MCC: variants seen among roughly 807,000 people sequenced by gnomAD.
MCC encodes colorectal mutant cancer protein.
Under a neutral mutation model 116.2 loss-of-function variants are expected in MCC, and 90 were observed. The observed-to-expected ratio is 0.77, with a 90% CI of 0.65 to 0.92. The LOEUF (loss-of-function observed/expected upper bound fraction) is 0.92, where lower values mean the gene tolerates loss of function less well. Ranked by LOEUF, MCC falls within the 40% of genes least tolerant of loss-of-function variation. The pLI, the probability that MCC is intolerant of heterozygous loss-of-function variation, is 0.00. For synonymous variants in MCC, 578 were observed against 510.5 expected (o/e 1.13, Z -1.78); for missense variants, 1,516 against 1,312.2 (o/e 1.16, Z -2.40).
intron 3 of MCC, among the ~76,000 whole-genome samples, chr5:113,255,063 G>A (rs1764956546): frequency 6.6e-6 from 1 of 152,182 alleles, no homozygotes; most frequent in South Asian, 2.1e-4. Flanking sequence ...TACTCAGGAG[G>A]CTGAGGCAGA....
At chr5:113,074,032 T>G (rs561422769) in intron 11 of MCC, among the ~76,000 whole-genome samples, 1 of 152,346 alleles carries the variant, frequency 6.6e-6, no homozygotes, top group African/African-American at 2.4e-5. Flanking sequence ...AAGAGAGCAG[T>G]GGTTCTCCCA....
chr5:113,242,878 A>C (rs577268423), intron 3 of MCC, among the ~76,000 whole-genome samples: 3 of 152,254 alleles, frequency 2.0e-5, no homozygotes, highest in Non-Finnish European at 4.4e-5. Flanking sequence ...GGAGTCAGTC[A>C]GGCAAGACCC....
intron 8 of MCC, among the ~76,000 whole-genome samples, chr5:113,088,334 G>A (rs762849660): frequency 2.0e-5 from 3 of 151,902 alleles, no homozygotes; most frequent in Non-Finnish European, 4.4e-5. Context: ...CTTAGGCATG[G>A]CTTCGGAAAG....
intron 3 of MCC, among the ~76,000 whole-genome samples, chr5:113,191,039 T>C (rs1486356944): frequency 6.6e-6 from 1 of 152,218 alleles, no homozygotes; most frequent in Admixed American, 6.5e-5. Context: ...CCATCCTCTC[T>C]GGATTATATA....
At chr5:113,109,491 G>T (rs1387350563) in intron 6 of MCC, among the ~76,000 whole-genome samples, 1 of 152,114 alleles carries the variant, frequency 6.6e-6, no homozygotes, top group Non-Finnish European at 1.5e-5. Flanking sequence ...CGGGGTGGGG[G>T]TGATGCGAGA....
chr5:113,112,337 G>A (rs1348715634), intron 6 of MCC, among the ~76,000 whole-genome samples: 1 of 152,118 alleles, frequency 6.6e-6, no homozygotes, highest in Non-Finnish European at 1.5e-5. Context: ...CTGGATCATG[G>A]GGGCAGACTT....
At chr5:113,163,786 T>C (rs1581183898) in intron 3 of MCC, among the ~76,000 whole-genome samples, 1 of 152,206 alleles carries the variant, frequency 6.6e-6, no homozygotes, top group East Asian at 1.9e-4. Flanking sequence ...CTGTCAGACA[T>C]TTCTGTAAGT....
intron 3 of MCC, among the ~76,000 whole-genome samples, chr5:113,260,414 C>A (rs1336361035): frequency 6.6e-6 from 1 of 152,094 alleles, no homozygotes; most frequent in Non-Finnish European, 1.5e-5. Flanking sequence ...CTTCTGCATG[C>A]AATTTGTTGC....
chr5:113,283,895 TTCC>T (rs1163094426), intron 3 of MCC, among the ~76,000 whole-genome samples: 1 of 152,196 alleles, frequency 6.6e-6, no homozygotes, highest in Non-Finnish European at 1.5e-5. Flanking sequence ...AACCTCCCTC[TTCC>T]TCCTCCTCAG....
At chr5:113,401,267 A>T (rs945846304) in intron 1 of MCC, among the ~76,000 whole-genome samples, 10 of 152,336 alleles carry the variant, frequency 6.6e-5, no homozygotes, top group African/African-American at 2.4e-4. Context: ...TACAACATGT[A>T]TTTAATATAT....
chr5:113,143,565 T>TTTC (rs1759317306), intron 4 of MCC, among the ~76,000 whole-genome samples: 2 of 152,210 alleles, frequency 1.3e-5, no homozygotes, highest in Non-Finnish European at 2.9e-5. Flanking sequence ...CTGGAGTCTT[T>TTTC]GCCTTTCTAG....
At position 113,143,211 on chromosome 5, in the gene MCC, C is replaced by T. The variant is rs199865398; in HGVS notation, c.884+7G>A. On this transcript the variant is annotated splice_region_variant and intron_variant, in intron 5 of 18. Transcript: ENST00000408903. ...GGGCAGAGTAAAAGCCGAATGGAGC[C>T]GCGTACCTGATGGTGGTGCCTTGCA... is the stretch of plus-strand genomic sequence containing the variant. 472 of 1,594,420 alleles carry T rather than the reference C, an allele frequency of 3.0e-4. No homozygotes were observed. The highest frequency in any genetic ancestry group is 3.7e-4 in the Non-Finnish European group (436 of 1,171,892).
chr5:113,266,566 C>T (rs890905997), intron 3 of MCC, among the ~76,000 whole-genome samples: 1 of 152,074 alleles, frequency 6.6e-6, no homozygotes, highest in Non-Finnish European at 1.5e-5. Context: ...GATGAGGTGT[C>T]GCTCTGTCAC....
At chr5:113,210,715 A>G (rs1763103631) in intron 3 of MCC, among the ~76,000 whole-genome samples, 1 of 152,238 alleles carries the variant, frequency 6.6e-6, no homozygotes, top group African/African-American at 2.4e-5. Flanking sequence ...TAGAAAGTTA[A>G]TATCTAGTAA....
chr5:113,187,349 T>C (rs1581222759), intron 3 of MCC, among the ~76,000 whole-genome samples: 1 of 152,098 alleles, frequency 6.6e-6, no homozygotes, highest in African/African-American at 2.4e-5. Context: ...CCTCAAGCAA[T>C]CCGCCTGCCT....
At chr5:113,119,295 T>A (rs1371238946) in intron 6 of MCC, among the ~76,000 whole-genome samples, 1 of 152,078 alleles carries the variant, frequency 6.6e-6, no homozygotes, top group East Asian at 1.9e-4. Context: ...TGCTCCATGT[T>A]ATGAAAGAAA....
intron 10 of MCC, among the ~76,000 whole-genome samples, chr5:113,083,857 G>T (rs1226001945): frequency 6.6e-6 from 1 of 152,018 alleles, no homozygotes; most frequent in African/African-American, 2.4e-5. Flanking sequence ...TAAATCATTT[G>T]TTTCTGAATG....
chr5:113,464,655 AG>A (rs2150427283), intron 1 of MCC, among the ~76,000 whole-genome samples: 2 of 152,254 alleles, frequency 1.3e-5, no homozygotes, highest in East Asian at 3.9e-4. Flanking sequence ...AAGTTTCTTA[AG>A]GTTGGCTATT....
chr5:113,473,710 C>T (rs1468705925), intron 1 of MCC, among the ~76,000 whole-genome samples: 2 of 152,112 alleles, frequency 1.3e-5, no homozygotes, highest in Non-Finnish European at 2.9e-5. Flanking sequence ...TTTGAAAATA[C>T]TATTACTGCA....
Sources: allele counts gnomAD v4.1 joint callset (sites outside exome capture counted in the v4.1 genomes callset), GRCh38; gene constraint gnomAD v4.1.1; transcripts MANE v1.5; gene names NCBI Gene and HGNC (gene_info 2026-07-23, HGNC 2026-07-21).